Variants in GRIK1 observed in about 807,000 individuals in gnomAD.
GRIK1 encodes glutamate receptor ionotropic, kainate 1.
In GRIK1, 69 loss-of-function variants were observed where a neutral mutation model predicts 105.7. The observed-to-expected ratio is 0.65, with a 90% CI of 0.54 to 0.80. The LOEUF (loss-of-function observed/expected upper bound fraction) is 0.80. Ranked by LOEUF, GRIK1 falls within the 30% of genes least tolerant of loss-of-function variation. GRIK1 has a pLI of 0.00. For missense variants in GRIK1, 1,109 were observed against 1,167.3 expected (o/e 0.95, Z 0.73); for synonymous variants, 438 against 431.3 (o/e 1.02, Z -0.19).
At chr21:29,807,274 T>C (rs189615415) in intron 1 of GRIK1, among the ~76,000 whole-genome samples, 1 of 152,226 alleles carries the variant, frequency 6.6e-6, no homozygotes, top group African/African-American at 2.4e-5. Context: ...GCCCCTTCCC[T>C]GTGGCGGCTG....
intron 1 of GRIK1, among the ~76,000 whole-genome samples, chr21:29,799,744 G>A (rs1397296579): frequency 6.6e-6 from 1 of 152,090 alleles, no homozygotes; most frequent in Non-Finnish European, 1.5e-5. Flanking sequence ...CGGCTAGGCT[G>A]GTCTTGAACT....
intron 16 of GRIK1, among the ~76,000 whole-genome samples, chr21:29,539,853 G>A (rs912968012): frequency 1.3e-5 from 2 of 152,160 alleles, no homozygotes; most frequent in East Asian, 1.9e-4. Flanking sequence ...AAGAAAAAGA[G>A]CTTGCATTTG....
chr21:29,588,815 T>C, intron 11 of GRIK1, 24 bp downstream of exon 11: 1 of 1,208,870 alleles, frequency 8.3e-7, no homozygotes. Flanking sequence ...TATTTTCAGA[T>C]ATGTTAGAAA....
intron 1 of GRIK1, among the ~76,000 whole-genome samples, chr21:29,810,484 A>T (rs185032817): frequency 3.5e-4 from 53 of 152,270 alleles, no homozygotes; most frequent in African/African-American, 1.3e-3. Context: ...CAATATCTGC[A>T]AAGTACAGTA....
intron 16 of GRIK1, among the ~76,000 whole-genome samples, chr21:29,542,463 T>G (rs935919052): frequency 4.6e-5 from 7 of 152,186 alleles, no homozygotes; most frequent in Non-Finnish European, 1.0e-4. Flanking sequence ...AAAGTTCTAT[T>G]TGTTTTGTAC....
intron 1 of GRIK1, among the ~76,000 whole-genome samples, chr21:29,824,451 A>C (rs992167550): frequency 2.6e-5 from 4 of 152,042 alleles, no homozygotes; most frequent in Non-Finnish European, 5.9e-5. Flanking sequence ...AAACATATAA[A>C]AAAAGTCAGA....
intron 10 of GRIK1, among the ~76,000 whole-genome samples, chr21:29,590,791 T>G (rs1309650022): frequency 6.6e-6 from 1 of 152,152 alleles, no homozygotes; most frequent in Non-Finnish European, 1.5e-5. Context: ...CTTCCCCCAC[T>G]TCCCTAGTCT....
intron 3 of GRIK1, among the ~76,000 whole-genome samples, chr21:29,679,475 T>A (rs187543048): frequency 3.0e-4 from 45 of 152,348 alleles, no homozygotes; most frequent in African/African-American, 1.1e-3. Flanking sequence ...CACTCAAATT[T>A]GTGTCTCCAG....
intron 1 of GRIK1, among the ~76,000 whole-genome samples, chr21:29,783,542 T>C (rs560597177): frequency 6.6e-6 from 1 of 152,336 alleles, no homozygotes; most frequent in South Asian, 2.1e-4. Flanking sequence ...GTAACTATTT[T>C]ATTATAGTCC....
In GRIK1 at chr21:29,888,218, T is replaced by TCTCTCC. The variant is rs2069743906; in HGVS notation, c.118+51164_118+51165insGGAGAG. 2.3e-5 allele frequency among the ~76,000 whole-genome samples: 3 copies of TCTCTCC among 129,222 alleles called. No individual in the cohort carries two copies. The East Asian group carries it at 7.0e-4, about 30-fold the overall frequency. 84.8% of individuals were successfully genotyped at this position (129,222 alleles called of 152,430 possible). On this transcript the variant is annotated intron_variant, in intron 1 of 17. Transcript: ENST00000327783. ...CTTTCTCTCTCTCTCTCTCTCTCTCTCTCTCTCTCTCTCTCCTTCCTTCCT... is the reference window on the plus strand; with the variant it reads ...CTTTCTCTCTCTCTCTCTCTCTCTCTCTCTCCCTCTCTCTCTCTCTCCTTCCTTCCT...
chr21:29,636,293 A>C (rs1601336277), intron 7 of GRIK1, among the ~76,000 whole-genome samples: 1 of 152,206 alleles, frequency 6.6e-6, no homozygotes, highest in East Asian at 1.9e-4. Context: ...GCTGTGCTTT[A>C]ACATAAGGAA....
intron 16 of GRIK1, among the ~76,000 whole-genome samples, chr21:29,539,952 G>A (rs977509580): frequency 1.3e-5 from 2 of 152,104 alleles, no homozygotes; most frequent in African/African-American, 2.4e-5. Context: ...TATCACTATA[G>A]ATAGCTTTTT....
At chr21:29,628,954 G>A (rs2062194938) in intron 7 of GRIK1, among the ~76,000 whole-genome samples, 1 of 152,130 alleles carries the variant, frequency 6.6e-6, no homozygotes, top group Admixed American at 6.6e-5. Flanking sequence ...CTGGTTGAGT[G>A]AGATATTATA....
At chr21:29,580,009 A>ATATATATG (rs1568843115) in intron 13 of GRIK1, among the ~76,000 whole-genome samples, 2 of 125,012 alleles carry the variant, frequency 1.6e-5, no homozygotes, top group African/African-American at 6.6e-5. Context: ...ATATATATGT[A>ATATATATG]TATATATGTG....
chr21:29,841,474 G>A (rs1010779260), intron 1 of GRIK1, among the ~76,000 whole-genome samples: 1 of 152,104 alleles, frequency 6.6e-6, no homozygotes, highest in Admixed American at 6.5e-5. Flanking sequence ...AAGTTAAGTA[G>A]TTATTCTTCC....
chr21:29,939,116 C>T (rs2071878326), intron 1 of GRIK1, among the ~76,000 whole-genome samples: 1 of 152,132 alleles, frequency 6.6e-6, no homozygotes, highest in Non-Finnish European at 1.5e-5. Flanking sequence ...CCCTGCGAAC[C>T]TGGATCCCCG....
At chr21:29,848,204 G>A (rs776271243) in intron 1 of GRIK1, among the ~76,000 whole-genome samples, 1 of 152,046 alleles carries the variant, frequency 6.6e-6, no homozygotes, top group Non-Finnish European at 1.5e-5. Context: ...CATCAATGTG[G>A]ATATCTAGAG....
intron 1 of GRIK1, among the ~76,000 whole-genome samples, chr21:29,860,632 G>A (rs866042079): frequency 2.5e-4 from 38 of 152,238 alleles, no homozygotes; most frequent in African/African-American, 8.2e-4. Context: ...CTTTGGCAAT[G>A]TGGTTGCTTT....
intron 1 of GRIK1, among the ~76,000 whole-genome samples, chr21:29,851,037 A>G (rs562148803): frequency 6.6e-6 from 1 of 150,952 alleles, no homozygotes; most frequent in South Asian, 2.1e-4. Context: ...TGTGAAAATG[A>G]ATCAACTAGA....
Sources: gnomAD v4.1 joint callset for allele counts (sites outside exome capture counted in the v4.1 genomes callset) on GRCh38, gnomAD v4.1.1 for gene constraint, MANE v1.5 for transcripts, NCBI Gene and HGNC (gene_info 2026-07-23, HGNC 2026-07-21) for gene names.